The following PASK variants were observed in gnomAD, a reference collection of about 807,000 sequenced individuals.
PASK encodes the protein PAS domain containing serine/threonine kinase.
Under a neutral mutation model 121.0 loss-of-function variants are expected in PASK, and 110 were observed. The ratio of observed to expected loss-of-function variants is 0.91; its 90% confidence interval spans 0.78 to 1.06. The LOEUF is 1.06. Among genes scored for constraint, PASK ranks in the 50% least tolerant of loss-of-function variants. The probability of loss-of-function intolerance (pLI) is 0.00; values close to 1 mark genes in which losing one functional copy is unlikely to be tolerated. For missense variants in PASK, 1,643 were observed against 1,702.3 expected (o/e 0.97, Z 0.61); for synonymous variants, 686 against 717.8 (o/e 0.96, Z 0.71).
chr2:241,132,527 T>TTAAAAAAAAAAAA (rs1486560170), intron 9 of PASK, among the ~76,000 whole-genome samples: 1 of 39,526 alleles, frequency 2.5e-5, no homozygotes, highest in African/African-American at 1.0e-4. Flanking sequence ...AGACTCTGTC[T>TTAAAAAAAAAAAA]AAAAAAAAAA....
intron 10 of PASK, among the ~76,000 whole-genome samples, 173 bp downstream of exon 10, chr2:241,126,023 G>A (rs576182653): frequency 5.4e-4 from 83 of 152,318 alleles, no homozygotes; most frequent in African/African-American, 1.7e-3. Flanking sequence ...ACACACATTC[G>A]TAATCTTAAT....
chr2:241,139,154 A>C (rs2066582692), intron 4 of PASK, among the ~76,000 whole-genome samples: 1 of 152,210 alleles, frequency 6.6e-6, no homozygotes, highest in Admixed American at 6.5e-5. Flanking sequence ...TTCTGATACA[A>C]TTGGTCCTAA....
At chr2:241,114,858 C>T (rs1201413027) in intron 14 of PASK, 185 bp downstream of exon 14, 5 of 1,504,298 alleles carry the variant, frequency 3.3e-6, no homozygotes, top group Admixed American at 4.6e-5. Flanking sequence ...TTCCCAACCT[C>T]ACTTTCTCTA....
upstream of PASK, chr2:241,150,344 A>G (rs187779330): frequency 1.2e-3 from 1,641 of 1,317,244 alleles, 12 homozygotes; most frequent in South Asian, 0.012. Flanking sequence ...TGACGGAACT[A>G]CAACTCCCAT....
rs968368570 is a variant in PASK, at chr2:241,123,429, T to C, written c.2904+520A>G. On this transcript the variant is annotated intron_variant, in intron 11 of 17. Coordinates refer to ENST00000234040, the MANE Select transcript of PASK (RefSeq NM_015148.4). ...TCCTGACCTCGTGATCCACCCGCCT[T>C]GGCCTCCCAAAGTGCTGGGATTACA... Among the ~76,000 whole-genome samples the C allele has an allele frequency of 3.3e-5, 5 of 152,060 alleles. No homozygotes were observed. The East Asian group carries it at 7.8e-4, about 24-fold the overall frequency.
At chr2:241,149,356 C>G (rs1437749036) in intron 1 of PASK, 58 bp downstream of exon 1, 1 of 318,646 alleles carries the variant, frequency 3.1e-6, no homozygotes, top group Admixed American at 4.9e-5. Flanking sequence ...GCAGGCCCCA[C>G]AGCCGCCCTG....
chr2:241,107,541 TG>T (rs1047840523), intron 16 of PASK, 42 bp from the exon 17 acceptor site: 1 of 1,600,798 alleles, frequency 6.2e-7, no homozygotes, highest in African/African-American at 1.3e-5. Flanking sequence ...CAGATTGGGA[TG>T]AAGTGGAGCA....
chr2:241,118,814 C>T, intron 12 of PASK: 3 of 555,538 alleles, frequency 5.4e-6, no homozygotes, highest in Non-Finnish European at 7.5e-6. Context: ...CCAGCGTGTA[C>T]ACCAAGCTGT....
At chr2:241,125,609 G>C (rs77118920) in intron 10 of PASK, among the ~76,000 whole-genome samples, 1 of 118,436 alleles carries the variant, frequency 8.4e-6, no homozygotes. Context: ...CAAAAAAAAA[G>C]AAAAAAAAAA....
At chr2:241,137,331 G>C in intron 6 of PASK, 67 bp from the exon 7 acceptor site, 5 of 1,327,440 alleles carry the variant, frequency 3.8e-6, no homozygotes, top group Non-Finnish European at 5.4e-6. Flanking sequence ...AGTCTGTGCT[G>C]CGTCCGACCC....
Position 241,122,785 on chromosome 2 carries a change from T to C in PASK, c.3019A>G (p.Ser1007Gly). 6.2e-7 allele frequency: 1 copy of C among 1,614,212 alleles called. No homozygotes were observed. Among genetic ancestry groups the C allele is most frequent in the South Asian group, 1.1e-5 (1 of 91,088 alleles). The change falls in exon 12 of 18, where the codon AGT (serine) becomes GGT (glycine). Residue 1007 changes from serine to glycine, a missense_variant. Ser to Gly is a moderately conservative substitution (Grantham distance 56). Coordinates refer to ENST00000234040, the MANE Select transcript of PASK (RefSeq NM_015148.4). ...QKYSTMSPLG[S>G]GAFGFVWTAV... ...GTCCACACGAAGCCGAAGGCCCCAC[T>C]GCCCAGCGGGCTCATGGTACTGTAC...
In PASK at chr2:241,138,011, T is replaced by C; in HGVS notation, c.818A>G (p.His273Arg). 6.2e-7 allele frequency: 1 copy of C among 1,614,222 alleles called. No homozygotes were observed. Among genetic ancestry groups the C allele is most frequent in the Non-Finnish European group, 8.5e-7 (1 of 1,180,012 alleles). The change falls in exon 6 of 18, where the codon CAT (histidine) becomes CGT (arginine). Residue 273 changes from histidine (H) to arginine (R), a missense_variant. His to Arg is a conservative substitution (Grantham distance 29). Coordinates refer to ENST00000234040, the MANE Select transcript of PASK (RefSeq NM_015148.4). Reference sequence around the variant, plus strand: ...CACAGAAGGGATCAGGTCTGTGATATGCTGCCCAGCCACGTCCTCCCCAGA... The same window carrying C: ...CACAGAAGGGATCAGGTCTGTGATACGCTGCCCAGCCACGTCCTCCCCAGA... Reference protein sequence around the residue: ...YVSGEDVAGQHITDLIPSVQL... With the variant: ...YVSGEDVAGQRITDLIPSVQL...
intron 14 of PASK, chr2:241,113,816 C>A: frequency 1.0e-6 from 1 of 985,478 alleles, no homozygotes; most frequent in Non-Finnish European, 1.2e-6. Context: ...GCTCCCCGAC[C>A]CCGCTGCTGA....
chr2:241,118,652 C>G (rs1277411364), intron 12 of PASK: 1 of 173,844 alleles, frequency 5.8e-6, no homozygotes, highest in African/African-American at 2.4e-5. Context: ...AGATATAACA[C>G]CAAAACACAA....
Position 241,132,864 on chromosome 2 carries a change from A to G in PASK, c.1463+10T>C. On this transcript the variant is annotated intron_variant, in intron 9 of 17. Coordinates refer to ENST00000234040, the MANE Select transcript of PASK (RefSeq NM_015148.4). ...TTAGTAAACCTGCAACCTCCCACCA[A>G]GGGACTTACCCTGGAGCAGGCTGAG... The G allele has an allele frequency of 9.9e-6, 16 of 1,612,172 alleles. No homozygotes were observed. The highest frequency in any genetic ancestry group is 1.3e-5 in the Non-Finnish European group (15 of 1,178,202).
At chr2:241,139,369 T>C (rs182684267) in intron 4 of PASK, among the ~76,000 whole-genome samples, 63 of 152,030 alleles carry the variant, frequency 4.1e-4, no homozygotes, top group African/African-American at 1.4e-3. Context: ...TTGGGCTTTT[T>C]CCATGCCTTG....
rs773979191 is a variant in PASK, at chr2:241,137,957, G to A, written c.872C>T (p.Pro291Leu). 6.2e-7 allele frequency: 1 copy of A among 1,614,182 alleles called. No individual in the cohort carries two copies. Among genetic ancestry groups the A allele is most frequent in the Non-Finnish European group, 8.5e-7 (1 of 1,180,004 alleles). ...GCGGGAGGTCAGGAGCCCTACCTTT[G>A]GGATGTGCTGGCCAGAAGGAGGGAG... ...VQLPPSGQHI[P>L]KNLKIQRSVG... The change falls in exon 6 of 18, where the codon CCA becomes CTA. Residue 291 changes from proline to leucine, a missense_variant. Around this residue, in one of 3 missense-constraint regions of PASK, gnomAD observed 1,176 missense variants for 1,162.2 expected, o/e 1.01. Transcript: ENST00000234040.
At chr2:241,123,820 GAAAA>G in intron 11 of PASK, 125 bp downstream of exon 11, 36 of 670,802 alleles carry the variant, frequency 5.4e-5, no homozygotes, top group Non-Finnish European at 7.3e-5. Flanking sequence ...CTCCGTCCCA[GAAAA>G]AAAAAAAAAA....
chr2:241,119,470 T>G (rs1283626829), intron 12 of PASK, among the ~76,000 whole-genome samples: 1 of 144,554 alleles, frequency 6.9e-6, no homozygotes, highest in Non-Finnish European at 1.5e-5. Context: ...AGATGCTTCT[T>G]TTTTTTTTTT....
Sources: allele counts gnomAD v4.1 joint callset (sites outside exome capture counted in the v4.1 genomes callset), GRCh38; gene constraint gnomAD v4.1.1; regional missense constraint gnomAD v4.1.1; transcripts MANE v1.5; gene names NCBI Gene and HGNC (gene_info 2026-07-23, HGNC 2026-07-21).